The following SLC35F1 variants were observed in gnomAD, a reference collection of about 807,000 sequenced individuals.
SLC35F1 encodes solute carrier family 35 member F1.
SLC35F1 carries 14 observed loss-of-function variants against 48.7 expected under a neutral mutation model. That is an observed-to-expected ratio of 0.29 (90% CI 0.19 to 0.45). SLC35F1 has a LOEUF of 0.45. Among genes scored for constraint, SLC35F1 ranks in the 20% least tolerant of loss-of-function variants. The pLI is 1.00. For synonymous variants in SLC35F1, 190 were observed against 202.2 expected, an observed-to-expected ratio of 0.94 and a Z score of 0.51; for missense variants, 404 against 500.0, an observed-to-expected ratio of 0.81 and a Z score of 1.83.
At chr6:118,253,813 T>C (rs1216668497) in intron 3 of SLC35F1, among the ~76,000 whole-genome samples, 1 of 151,982 alleles carries the variant, frequency 6.6e-6, no homozygotes, top group Admixed American at 6.6e-5. Flanking sequence ...GAGCTGTCAG[T>C]ATTGCTGTAG....
intron 3 of SLC35F1, among the ~76,000 whole-genome samples, chr6:118,238,539 G>A (rs566419399): frequency 6.6e-6 from 1 of 152,094 alleles, no homozygotes; most frequent in Non-Finnish European, 1.5e-5. Flanking sequence ...TCTTAATAAT[G>A]TCATCAGGGA....
At chr6:117,907,966 C>A in intron 1 of SLC35F1, 67 bp downstream of exon 1, 1 of 1,275,266 alleles carries the variant, frequency 7.8e-7, no homozygotes, top group Non-Finnish European at 9.9e-7. Context: ...CGGGTCCCCT[C>A]CGTCCCTGGG....
chr6:118,085,391 A>C (rs150778940), intron 1 of SLC35F1, among the ~76,000 whole-genome samples: 1 of 151,586 alleles, frequency 6.6e-6, no homozygotes, highest in East Asian at 1.9e-4. Context: ...ATTCATTAGT[A>C]ATGTCCTTTG....
intron 1 of SLC35F1, among the ~76,000 whole-genome samples, chr6:118,058,963 G>T (rs796751510): frequency 3.7e-4 from 56 of 152,096 alleles, no homozygotes; most frequent in African/African-American, 1.4e-3. Flanking sequence ...GATAATAAAA[G>T]GTGTCACAAA....
In SLC35F1 at chr6:117,932,217, G is replaced by A. The variant is rs74602845; in HGVS notation, c.173+24318G>A. Among the ~76,000 whole-genome samples the A allele has an allele frequency of 2.1e-3, 322 of 152,330 alleles. 2 individuals carry two copies. The highest frequency in any genetic ancestry group is 7.4e-3 in the African/African-American group (306 of 41,586). On this transcript the variant is annotated intron_variant, in intron 1 of 7. Transcript: ENST00000360388. ...CACGAAATCTGCTGGCACCTGGAAT[G>A]TGGATTTCCCAGCTTCCAGAACTGT...
At chr6:118,309,518 A>G (rs1444419283) in intron 7 of SLC35F1, among the ~76,000 whole-genome samples, 1 of 152,202 alleles carries the variant, frequency 6.6e-6, no homozygotes, top group Admixed American at 6.5e-5. Flanking sequence ...GGGATCACCC[A>G]TGTTCTCCTC....
chr6:118,101,810 C>T (rs1170576271), intron 1 of SLC35F1, among the ~76,000 whole-genome samples: 1 of 152,168 alleles, frequency 6.6e-6, no homozygotes, highest in Non-Finnish European at 1.5e-5. Context: ...AAAATATGTG[C>T]ATTACATACT....
intron 2 of SLC35F1, among the ~76,000 whole-genome samples, chr6:118,174,712 G>A (rs1164969057): frequency 6.6e-6 from 1 of 151,972 alleles, no homozygotes; most frequent in Non-Finnish European, 1.5e-5. Context: ...CAAATCCCAA[G>A]CAGAAACTAT....
chr6:118,110,911 C>G (rs1271882842), intron 1 of SLC35F1, among the ~76,000 whole-genome samples: 2 of 151,994 alleles, frequency 1.3e-5, no homozygotes, highest in African/African-American at 4.8e-5. Context: ...GGCTTTTTCC[C>G]TTCCTCCAGG....
intron 7 of SLC35F1, among the ~76,000 whole-genome samples, chr6:118,286,656 A>G (rs1410285291): frequency 6.6e-6 from 1 of 152,190 alleles, no homozygotes; most frequent in African/African-American, 2.4e-5. Context: ...AGGAATAAAA[A>G]TTGTACTATA....
chr6:118,004,438 A>T (rs560435115), intron 1 of SLC35F1, among the ~76,000 whole-genome samples: 1 of 152,340 alleles, frequency 6.6e-6, no homozygotes, highest in Admixed American at 6.5e-5. Context: ...AATCCTATGT[A>T]AACAATGTAC....
At chr6:118,143,583 T>C (rs997667861) in intron 1 of SLC35F1, among the ~76,000 whole-genome samples, 4 of 152,212 alleles carry the variant, frequency 2.6e-5, no homozygotes, top group Non-Finnish European at 5.9e-5. Flanking sequence ...ATAAACTTCT[T>C]AGTCAGAACT....
chr6:117,921,833 A>T (rs537740701), intron 1 of SLC35F1, among the ~76,000 whole-genome samples: 19 of 152,322 alleles, frequency 1.2e-4, no homozygotes, highest in Admixed American at 6.5e-4. Flanking sequence ...TGGATATAAG[A>T]TTGTTCATTT....
intron 2 of SLC35F1, among the ~76,000 whole-genome samples, chr6:118,161,422 C>T (rs982509945): frequency 1.3e-5 from 2 of 152,170 alleles, no homozygotes; most frequent in Non-Finnish European, 2.9e-5. Context: ...GACTAAATCA[C>T]TGAGAAGGGA....
intron 2 of SLC35F1, among the ~76,000 whole-genome samples, chr6:118,211,766 T>G (rs1021464488): frequency 2.0e-5 from 3 of 152,210 alleles, no homozygotes; most frequent in African/African-American, 7.2e-5. Context: ...ATGTCTGACC[T>G]TAGCCAGAAT....
chr6:118,149,589 C>A (rs1774025833), intron 1 of SLC35F1, among the ~76,000 whole-genome samples: 1 of 152,164 alleles, frequency 6.6e-6, no homozygotes, highest in African/African-American at 2.4e-5. Flanking sequence ...TAGCTCCCTG[C>A]AGTAGGAAAA....
At chr6:118,193,566 T>A (rs1170503806) in intron 2 of SLC35F1, among the ~76,000 whole-genome samples, 1 of 152,206 alleles carries the variant, frequency 6.6e-6, no homozygotes, top group Non-Finnish European at 1.5e-5. Flanking sequence ...TAGTCTTTTC[T>A]AAAAATACAT....
In SLC35F1 at chr6:118,277,501, A is replaced by G. The variant is rs1300602850; in HGVS notation, c.802A>G (p.Met268Val). Reference sequence around the variant, plus strand: ...TTTCCTTTGAATTTGCAGAGCTATAATGGAGCATAAGGAACTGTTGAAGGT... The same window carrying G: ...TTTCCTTTGAATTTGCAGAGCTATAGTGGAGCATAAGGAACTGTTGAAGGT... ...AFFSGIQLAI[M>V]EHKELLKVPW... Residue 268 changes from methionine to valine, a missense_variant, in exon 6 of 8, where the codon ATG (methionine) becomes GTG (valine). Physicochemically the swap from Met to Val is conservative, Grantham distance 21. This residue lies in a region of SLC35F1 where 306 missense variants were observed against 419.1 expected (regional missense o/e 0.73). Transcript: ENST00000360388. 3 of 1,613,918 alleles carry G rather than the reference A, an allele frequency of 1.9e-6. No homozygotes were observed. Among genetic ancestry groups the G allele is most frequent in the Non-Finnish European group, 2.5e-6 (3 of 1,179,900 alleles).
intron 1 of SLC35F1, among the ~76,000 whole-genome samples, chr6:118,026,009 T>C (rs531686176): frequency 3.4e-4 from 52 of 152,250 alleles, no homozygotes; most frequent in Admixed American, 2.3e-3. Context: ...TTCAAGGCAC[T>C]CTGCTAGGTG....
Sources: allele counts gnomAD v4.1 joint callset (sites outside exome capture counted in the v4.1 genomes callset), GRCh38; gene constraint gnomAD v4.1.1; regional missense constraint gnomAD v4.1.1; transcripts MANE v1.5; gene names NCBI Gene and HGNC (gene_info 2026-07-23, HGNC 2026-07-21).